Variants in LGR4 observed in about 807,000 individuals in gnomAD.
LGR4 encodes leucine rich repeat containing G protein-coupled receptor 4, also known as leucine-rich repeat-containing G protein-coupled receptor 4.
Under a neutral mutation model 84.8 loss-of-function variants are expected in LGR4, and 44 were observed. The observed-to-expected ratio is 0.52, with a 90% CI of 0.41 to 0.67. The LOEUF is 0.67. LGR4 is among the 30% of genes least tolerant of loss of function. The pLI, the probability that LGR4 is intolerant of heterozygous loss-of-function variation, is 0.00. For synonymous variants in LGR4, 429 were observed against 434.3 expected (o/e 0.99, Z 0.15); for missense variants, 1,032 against 1,131.4 (o/e 0.91, Z 1.26).
Position 27,392,446 on chromosome 11 carries a change from C to T in LGR4, c.329+1G>A, listed in dbSNP as rs1389660580. ...TGAAACTCTAAAATTGCATTACTTA[C>T]AGAACTTTGAGTTCTTTCAACCCAG... is the stretch of plus-strand genomic sequence containing the variant. On this transcript the variant is annotated splice_donor_variant, in intron 3 of 17. Coordinates refer to ENST00000379214, the MANE Select transcript of LGR4 (RefSeq NM_018490.5). LOFTEE classifies it high-confidence loss of function. 1.3e-6 allele frequency: 2 copies of T among 1,581,178 alleles called. No homozygotes were observed. Among genetic ancestry groups the T allele is most frequent in the South Asian group, 1.2e-5 (1 of 84,248 alleles).
intron 1 of LGR4, among the ~76,000 whole-genome samples, chr11:27,456,475 G>GAATTCCAGTGAATTCC (rs1340458497): frequency 5.9e-5 from 9 of 152,198 alleles, no homozygotes; most frequent in Non-Finnish European, 8.8e-5. Flanking sequence ...AAATTCCAGT[G>GAATTCCAGTGAATTCC]AGTGAAAGGG....
chr11:27,368,075 G>T lies in LGR4; in HGVS notation c.2648C>A (p.Ala883Glu). 6.3e-7 allele frequency: 1 copy of T among 1,593,614 alleles called. No homozygotes were observed. ...KHLIKSHSCP[A>E]LAVASCQRPE... ...TCTTTGGCAAGAAGCCACTGCCAAT[G>T]CAGGACAGCTGTGTGATTTTATCAA... The change falls in exon 18 of 18, where the codon GCA (alanine) becomes GAA (glutamate). Residue 883 changes from alanine (A) to glutamate (E), a missense_variant. Coordinates refer to ENST00000379214, the MANE Select transcript of LGR4 (RefSeq NM_018490.5).
At chr11:27,427,401 G>C (rs1474440956) in intron 1 of LGR4, among the ~76,000 whole-genome samples, 1 of 152,150 alleles carries the variant, frequency 6.6e-6, no homozygotes, top group South Asian at 2.1e-4. Context: ...CTAGAGGACA[G>C]AGCCATTCAG....
Position 27,368,658 on chromosome 11 carries a change from C to G in LGR4, c.2065G>C (p.Ala689Pro). The G allele has an allele frequency of 6.2e-7, 1 of 1,613,944 alleles. No individual in the cohort carries two copies. The highest frequency in any genetic ancestry group is 1.1e-5 in the South Asian group (1 of 91,014). ...FPLFHRGEYS[A>P]SPLCLPFPTG... The stretch of plus-strand genomic sequence containing the variant: ...GGAAATGGCAAACAAAGGGGTGATG[C>G]AGAATATTCCCCTCTATGGAAAAGG... The change falls in exon 18 of 18, where the codon GCA (alanine) becomes CCA (proline). Residue 689 changes from alanine (A) to proline (P), a missense_variant. By Grantham distance (27) the Ala-to-Pro change is conservative (BLOSUM62 -1). Transcript: ENST00000379214.
chr11:27,460,319 T>C (rs560341999), intron 1 of LGR4, among the ~76,000 whole-genome samples: 72 of 152,202 alleles, frequency 4.7e-4, no homozygotes, highest in Non-Finnish European at 8.8e-4. Flanking sequence ...AGCAGGACAA[T>C]GATCAATTGA....
At chr11:27,443,626 A>G (rs1000016333) in intron 1 of LGR4, among the ~76,000 whole-genome samples, 8 of 152,228 alleles carry the variant, frequency 5.3e-5, no homozygotes, top group African/African-American at 1.9e-4. Flanking sequence ...AGGTATTTAT[A>G]TACATATACA....
chr11:27,450,411 C>A (rs768349578), intron 1 of LGR4, among the ~76,000 whole-genome samples: 1 of 152,190 alleles, frequency 6.6e-6, no homozygotes, highest in South Asian at 2.1e-4. Context: ...TAGACACTTT[C>A]AATTCCACAA....
At chr11:27,417,879 G>A (rs956871682) in intron 1 of LGR4, among the ~76,000 whole-genome samples, 2 of 152,110 alleles carry the variant, frequency 1.3e-5, no homozygotes, top group African/African-American at 4.8e-5. Context: ...TTGAATGAAA[G>A]TGTAAACACT....
intron 1 of LGR4, among the ~76,000 whole-genome samples, chr11:27,450,540 G>A (rs568728538): frequency 6.6e-6 from 1 of 152,212 alleles, no homozygotes; most frequent in South Asian, 2.1e-4. Flanking sequence ...TGTAATCCCA[G>A]TACTTTGAGA....
intron 2 of LGR4, among the ~76,000 whole-genome samples, chr11:27,394,090 C>T (rs1405218301): frequency 2.0e-5 from 3 of 152,132 alleles, no homozygotes; most frequent in African/African-American, 4.8e-5. Context: ...ACAGTTCATG[C>T]TCCTAAACTA....
At chr11:27,446,591 T>C (rs1450466256) in intron 1 of LGR4, among the ~76,000 whole-genome samples, 1 of 152,228 alleles carries the variant, frequency 6.6e-6, no homozygotes, top group Non-Finnish European at 1.5e-5. Context: ...TTGGTGGGAC[T>C]GTAAACTAGT....
At chr11:27,379,155 A>T (rs1316010905) in intron 10 of LGR4, 1 of 198,134 alleles carries the variant, frequency 5.0e-6, no homozygotes, top group African/African-American at 2.4e-5. Context: ...CTTTCAGTCA[A>T]ACTGGCTCAG....
intron 2 of LGR4, among the ~76,000 whole-genome samples, chr11:27,410,110 T>G (rs935270689): frequency 6.6e-6 from 1 of 152,144 alleles, no homozygotes; most frequent in African/African-American, 2.4e-5. Context: ...TTATTTAATT[T>G]TATTCATTTT....
intron 2 of LGR4, among the ~76,000 whole-genome samples, chr11:27,401,018 T>G (rs772964126): frequency 1.6e-4 from 25 of 152,230 alleles, no homozygotes; most frequent in Non-Finnish European, 3.4e-4. Flanking sequence ...GACTTTTGCA[T>G]CTTCATATAA....
chr11:27,467,279 A>C (rs1338451541), intron 1 of LGR4, among the ~76,000 whole-genome samples: 1 of 152,104 alleles, frequency 6.6e-6, no homozygotes, highest in African/African-American at 2.4e-5. Flanking sequence ...TATAAAAATC[A>C]AAATAAGGCG....
chr11:27,465,670 G>A (rs148468001), intron 1 of LGR4, among the ~76,000 whole-genome samples: 164 of 152,256 alleles, frequency 1.1e-3, no homozygotes, highest in African/African-American at 2.7e-3. Context: ...AACTGTACAT[G>A]AGCTAAAAAA....
intron 1 of LGR4, among the ~76,000 whole-genome samples, chr11:27,454,284 T>A (rs1396576857): frequency 6.6e-6 from 1 of 152,164 alleles, no homozygotes; most frequent in Non-Finnish European, 1.5e-5. Flanking sequence ...CTAAAAAGTA[T>A]AAAAGTAAGC....
chr11:27,452,629 T>C (rs981744951), intron 1 of LGR4, among the ~76,000 whole-genome samples: 3 of 125,242 alleles, frequency 2.4e-5, no homozygotes, highest in African/African-American at 9.7e-5. Flanking sequence ...TTGAGTTTTT[T>C]TTTTTTTTTT....
intron 11 of LGR4, among the ~76,000 whole-genome samples, chr11:27,378,400 G>A (rs1168279011): frequency 2.0e-5 from 3 of 152,056 alleles, no homozygotes; most frequent in Non-Finnish European, 4.4e-5. Context: ...AGATACCCCT[G>A]GAGAAACTAG....
Sources: allele counts gnomAD v4.1 joint callset (sites outside exome capture counted in the v4.1 genomes callset), GRCh38; gene constraint gnomAD v4.1.1; transcripts MANE v1.5; gene names NCBI Gene and HGNC (gene_info 2026-07-23, HGNC 2026-07-21).